RBFOX1: variants seen among roughly 807,000 people sequenced by gnomAD.
RBFOX1 encodes RNA binding fox-1 homolog 1.
Under a neutral mutation model 57.7 loss-of-function variants are expected in RBFOX1, and 8 were observed. The ratio of observed to expected loss-of-function variants is 0.14; its 90% CI spans 0.08 to 0.25. RBFOX1 has a LOEUF of 0.25. Among genes scored for constraint, RBFOX1 ranks in the 10% least tolerant of loss-of-function variants. RBFOX1 has a pLI of 1.00. For missense variants in RBFOX1, 611 were observed against 548.5 expected, an observed-to-expected ratio of 1.11 and a Z score of -1.14; for synonymous variants, 326 against 222.4, an observed-to-expected ratio of 1.47 and a Z score of -4.15.
intron 1 of RBFOX1, among the ~76,000 whole-genome samples, chr16:5,394,626 G>C (rs1402191864): frequency 6.8e-6 from 1 of 146,874 alleles, no homozygotes; most frequent in Non-Finnish European, 1.5e-5. Flanking sequence ...TAGTGGTACA[G>C]TCATGGCTCG....
At chr16:7,668,663 C>T (rs758905457) in intron 13 of RBFOX1, among the ~76,000 whole-genome samples, 45 of 150,260 alleles carry the variant, frequency 3.0e-4, no homozygotes, top group Non-Finnish European at 5.8e-4. Flanking sequence ...CAGAACAGAA[C>T]ACACACACAC....
chr16:7,492,402 T>G (rs1938352827), intron 4 of RBFOX1, among the ~76,000 whole-genome samples: 1 of 152,030 alleles, frequency 6.6e-6, no homozygotes, highest in Admixed American at 6.5e-5. Context: ...GATCAGATAC[T>G]TCCCTATAAT....
chr16:7,690,639 C>G (rs552124785), intron 14 of RBFOX1, among the ~76,000 whole-genome samples: 1 of 150,928 alleles, frequency 6.6e-6, no homozygotes, highest in African/African-American at 2.4e-5. Flanking sequence ...GGCAGCCCCA[C>G]TGTCCAGAAT....
In RBFOX1 at chr16:7,394,516, G is replaced by A. The variant is rs532534321; in HGVS notation, c.28-123631G>A. Among the ~76,000 whole-genome samples the A allele has an allele frequency of 2.0e-5, 3 of 152,168 alleles. No homozygotes were observed. The East Asian group carries it at 5.8e-4, about 30-fold the overall frequency. ...AAACCCCCACACCTTTAGATGCATA[G>A]GCAGTGAAACCAACCTGTACTTCCC... On this transcript the variant is annotated intron_variant, in intron 4 of 15. Transcript: ENST00000550418.
In RBFOX1 at chr16:7,026,577, C is replaced by T. The variant is rs945075284; in HGVS notation, c.-15-25480C>T. Among the ~76,000 whole-genome samples the T allele has an allele frequency of 2.6e-5, 4 of 152,278 alleles. No individual in the cohort carries two copies. In the South Asian group the frequency reaches 8.3e-4, roughly 32 times the overall value. The stretch of plus-strand genomic sequence containing the variant: ...ATACGGCTTCTCCCCGTCCCCTCTC[C>T]TGGCAGCTGTGGCGTTTCTGCACAG... On this transcript the variant is annotated intron_variant, in intron 3 of 15. Coordinates refer to ENST00000550418, the MANE Select transcript of RBFOX1 (RefSeq NM_018723.4).
At chr16:7,034,286 G>A (rs1369228643) in intron 3 of RBFOX1, among the ~76,000 whole-genome samples, 1 of 152,098 alleles carries the variant, frequency 6.6e-6, no homozygotes, top group African/African-American at 2.4e-5. Flanking sequence ...GTATCTACTG[G>A]GTAAGGTCCC....
chr16:6,887,679 T>C (rs935877159), intron 3 of RBFOX1, among the ~76,000 whole-genome samples: 3 of 151,954 alleles, frequency 2.0e-5, no homozygotes, highest in Non-Finnish European at 4.4e-5. Flanking sequence ...TTTTTTTTTT[T>C]TGAGGCAGAG....
At chr16:7,486,674 T>C (rs892801096) in intron 4 of RBFOX1, among the ~76,000 whole-genome samples, 16 of 152,204 alleles carry the variant, frequency 1.1e-4, no homozygotes, top group African/African-American at 2.9e-4. Context: ...GTATGTGTTA[T>C]GATCTGGGTG....
intron 4 of RBFOX1, among the ~76,000 whole-genome samples, chr16:5,885,137 T>G (rs1267673529): frequency 3.9e-5 from 6 of 152,064 alleles, no homozygotes; most frequent in Non-Finnish European, 5.9e-5. Context: ...CTTTCTCACT[T>G]CCAAGGTAAG....
intron 3 of RBFOX1, among the ~76,000 whole-genome samples, chr16:6,952,280 TTAAAGG>T (rs1401481964): frequency 2.0e-5 from 3 of 152,176 alleles, no homozygotes; most frequent in Admixed American, 1.3e-4. Context: ...AAGAACAAAC[TTAAAGG>T]TAAAGCTCTT....
chr16:7,112,464 C>G (rs991047090), intron 4 of RBFOX1, among the ~76,000 whole-genome samples: 5 of 151,784 alleles, frequency 3.3e-5, no homozygotes, highest in African/African-American at 1.2e-4. Flanking sequence ...GCCTCAGCCT[C>G]CCAAAGATTT....
chr16:7,309,050 C>G (rs1216587925), intron 4 of RBFOX1, among the ~76,000 whole-genome samples: 1 of 152,160 alleles, frequency 6.6e-6, no homozygotes, highest in East Asian at 1.9e-4. Context: ...GATAGATTAG[C>G]TTCATGTCTG....
intron 3 of RBFOX1, among the ~76,000 whole-genome samples, chr16:6,969,152 C>G (rs564943722): frequency 1.3e-5 from 2 of 152,154 alleles, no homozygotes; most frequent in Non-Finnish European, 2.9e-5. Flanking sequence ...TTTTAGCTGT[C>G]TGTCCCCAAA....
chr16:7,188,336 C>G (rs929727799), intron 4 of RBFOX1, among the ~76,000 whole-genome samples: 4 of 152,296 alleles, frequency 2.6e-5, no homozygotes, highest in African/African-American at 7.2e-5. Flanking sequence ...CTTTGGCTAT[C>G]TAAGTCCTGC....
chr16:6,877,688 C>T (rs147856032), intron 3 of RBFOX1, among the ~76,000 whole-genome samples: 1 of 152,124 alleles, frequency 6.6e-6, no homozygotes, highest in Non-Finnish European at 1.5e-5. Context: ...TTGCTATTCT[C>T]TGTGTATAGT....
In RBFOX1 at chr16:5,659,303, C is replaced by CTT. The variant is rs779525957; in HGVS notation, c.318+60359_318+60360dup. On this transcript the variant is annotated intron_variant, in intron 3 of 19. Coordinates refer to the RBFOX1 transcript ENST00000641259. The stretch of plus-strand genomic sequence containing the variant: ...TTATGTTTGTTGGCCATTGGTATAT[C>CTT]TTTTTTTTTTTTTTTTTTGAGATGG... 1.2e-3 allele frequency among the ~76,000 whole-genome samples: 153 copies of CTT among 128,964 alleles called. 3 individuals carry two copies. The highest frequency in any genetic ancestry group is 3.0e-3 in the South Asian group (12 of 3,942). The allele number at this position is 128,964 out of a possible 152,430, so 84.6% of individuals were successfully genotyped here.
intron 4 of RBFOX1, among the ~76,000 whole-genome samples, chr16:7,302,072 C>T (rs988831147): frequency 6.6e-6 from 1 of 152,106 alleles, no homozygotes; most frequent in Non-Finnish European, 1.5e-5. Flanking sequence ...AAAAGCAGTA[C>T]AGAATAGCAG....
intron 1 of RBFOX1, among the ~76,000 whole-genome samples, chr16:6,106,091 G>C (rs904474022): frequency 2.0e-5 from 3 of 151,988 alleles, no homozygotes; most frequent in Admixed American, 2.0e-4. Flanking sequence ...GCTCTTAAAA[G>C]TAAAATAATT....
intron 2 of RBFOX1, among the ~76,000 whole-genome samples, chr16:5,571,261 C>G (rs568310704): frequency 5.1e-4 from 67 of 130,922 alleles, no homozygotes; most frequent in African/African-American, 1.7e-3. Flanking sequence ...CACTGTGTCA[C>G]CCAGGCTGGA....
Sources: gnomAD v4.1 joint callset for allele counts (sites outside exome capture counted in the v4.1 genomes callset) on GRCh38, gnomAD v4.1.1 for gene constraint, MANE v1.5 for transcripts, NCBI Gene and HGNC (gene_info 2026-07-23, HGNC 2026-07-21) for gene names.